The following KCTD14 variants were observed in gnomAD, a reference collection of about 807,000 sequenced individuals.
KCTD14 encodes the protein potassium channel tetramerization domain containing 14.
KCTD14 carries 7 observed loss-of-function variants against 5.9 expected under a neutral mutation model. That is an observed-to-expected ratio of 1.19 (90% confidence interval 0.68 to 2.23). The LOEUF (loss-of-function observed/expected upper bound fraction) is 2.23. KCTD14 is among the 30% of genes most tolerant of loss of function. The probability of loss-of-function intolerance (pLI) is 0.00; values close to 1 mark genes in which losing one functional copy is unlikely to be tolerated. For missense variants in KCTD14, 342 were observed against 332.2 expected (o/e 1.03, Z -0.23); for synonymous variants, 140 against 133.1 (o/e 1.05, Z -0.36).
At position 78,023,140 on chromosome 11, in the gene KCTD14, G is replaced by T; in HGVS notation, c.90+20C>A. On this transcript the variant is annotated intron_variant, in intron 1 of 1. Coordinates refer to ENST00000353172, the MANE Select transcript of KCTD14 (RefSeq NM_023930.4). ...AGGCGGAGGACAGAGGCGCGGGGAC[G>T]CAGCTAGCCTCGCACTTACCGTTGG... The T allele has an allele frequency of 2.0e-6, 3 of 1,482,022 alleles. No homozygotes were observed. Among genetic ancestry groups the T allele is most frequent in the Non-Finnish European group, 2.8e-6 (3 of 1,087,044 alleles). 91.8% of individuals were successfully genotyped at this position (1,482,022 alleles called of 1,614,324 possible). A position where few individuals can be genotyped will look rare whatever the true frequency, so the allele number is the denominator to read the frequency against.
intron 2 of KCTD14, among the ~76,000 whole-genome samples, chr11:78,031,448 G>A (rs1274060180): frequency 2.0e-5 from 3 of 151,060 alleles, no homozygotes; most frequent in African/African-American, 4.9e-5. Flanking sequence ...GTGTGATCTC[G>A]GCTCACTGCA....
upstream of KCTD14, among the ~76,000 whole-genome samples, chr11:78,024,983 A>G (rs1448779886): frequency 1.1e-4 from 16 of 143,692 alleles, no homozygotes; most frequent in Admixed American, 1.1e-3. Context: ...AATGGTATAT[A>G]TACATACACA....
chr11:78,025,092 G>A (rs1403978130), upstream of KCTD14, among the ~76,000 whole-genome samples: 6 of 47,856 alleles, frequency 1.3e-4, no homozygotes, highest in Admixed American at 4.1e-4. Flanking sequence ...ACACGTGTGT[G>A]TGTGTGTGTG....
chr11:78,017,361 T>C, intron 1 of KCTD14, 91 bp from the exon 2 acceptor site: 1 of 1,448,956 alleles, frequency 6.9e-7, no homozygotes, highest in Non-Finnish European at 9.1e-7. Context: ...ATAAAAAACT[T>C]AGGGGAGCCA....
intron 2 of KCTD14, among the ~76,000 whole-genome samples, chr11:78,028,375 C>T (rs534502098): frequency 9.2e-5 from 14 of 152,076 alleles, no homozygotes; most frequent in Admixed American, 6.5e-4. Context: ...GAGGCTGAGG[C>T]GGGTGGATCA....
At chr11:78,038,585 G>T (rs1857888790) in intron 2 of KCTD14, 2 of 1,496,394 alleles carry the variant, frequency 1.3e-6, no homozygotes, top group Non-Finnish European at 1.8e-6. Flanking sequence ...GCCCCAGCTG[G>T]TTACCCCAAG....
intron 2 of KCTD14, among the ~76,000 whole-genome samples, chr11:78,033,845 CAAA>C (rs60386490): frequency 1.5e-4 from 20 of 133,436 alleles, no homozygotes; most frequent in African/African-American, 2.5e-4. Context: ...GACTCCATCT[CAAA>C]AAAAAAAAAA....
At chr11:78,045,071 C>T (rs746070895) in intron 1 of KCTD14, among the ~76,000 whole-genome samples, 2 of 152,142 alleles carry the variant, frequency 1.3e-5, no homozygotes, top group Admixed American at 1.3e-4. Context: ...CATTTTGCCT[C>T]GTAGGTGTGA....
At position 78,017,271 on chromosome 11, in the gene KCTD14, C is replaced by A; in HGVS notation, c.91-1G>T. 1.9e-6 allele frequency: 3 copies of A among 1,581,994 alleles called. No homozygotes were observed. Among genetic ancestry groups the A allele is most frequent in the Non-Finnish European group, 2.6e-6 (3 of 1,158,796 alleles). ...CGTTCAGCTCCACAACAGTAGACAT[C>A]TGGGGGCACAAGAGGCAGAGTAAAC... On this transcript the variant is annotated splice_acceptor_variant, in intron 1 of 1. Coordinates refer to ENST00000353172, the MANE Select transcript of KCTD14 (RefSeq NM_023930.4). LOFTEE classifies it high-confidence loss of function.
At chr11:78,024,754 T>G (rs1857404929), upstream of KCTD14, among the ~76,000 whole-genome samples, 1 of 151,770 alleles carries the variant, frequency 6.6e-6, no homozygotes, top group Admixed American at 6.6e-5. Context: ...GAGACCAGCC[T>G]GACTAACATG....
intron 2 of KCTD14, among the ~76,000 whole-genome samples, chr11:78,032,149 G>A (rs956134278): frequency 3.3e-5 from 5 of 152,322 alleles, no homozygotes; most frequent in Admixed American, 2.6e-4. Flanking sequence ...CCAGGCACAG[G>A]GAGGCACTGG....
upstream of KCTD14, among the ~76,000 whole-genome samples, chr11:78,026,857 G>C (rs1274254931): frequency 6.6e-6 from 1 of 152,088 alleles, no homozygotes; most frequent in Non-Finnish European, 1.5e-5. Flanking sequence ...CCAGCACTTT[G>C]AGAGGCCAAG....
rs201982206 is a variant in KCTD14, at chr11:78,039,068, C to A, written c.-95-310G>T. ...GGAGTAGAGTCTGGACTTTAGATTA[C>A]AAAAAAAAAAAAAAAAACACAAAAA... On this transcript the variant is annotated intron_variant, in intron 1 of 2. Coordinates refer to the KCTD14 transcript ENST00000533144. 0.012 allele frequency among the ~76,000 whole-genome samples: 1,321 copies of A among 113,820 alleles called. No individual in the cohort carries two copies. The highest frequency in any genetic ancestry group is 0.012 in the African/African-American group (332 of 27,094). 74.7% of individuals were successfully genotyped at this position (113,820 alleles called of 152,430 possible).
chr11:78,022,830 A>G (rs1422113648), intron 1 of KCTD14: 1 of 254,742 alleles, frequency 3.9e-6, no homozygotes. Flanking sequence ...GCAGAGGAGG[A>G]GTCGTGGGCT....
chr11:78,038,119 C>T (rs1254090893), intron 2 of KCTD14, among the ~76,000 whole-genome samples: 1 of 152,070 alleles, frequency 6.6e-6, no homozygotes, highest in Non-Finnish European at 1.5e-5. Flanking sequence ...TATCCAGAGG[C>T]CCTTCCCATG....
At chr11:78,027,165 T>G (rs547361079), upstream of KCTD14, among the ~76,000 whole-genome samples, 1 of 152,194 alleles carries the variant, frequency 6.6e-6, no homozygotes, top group South Asian at 2.1e-4. Context: ...ATGTATGACG[T>G]ACACTGGTTA....
chr11:78,041,467 T>G (rs1214247054), intron 1 of KCTD14, among the ~76,000 whole-genome samples: 1 of 152,146 alleles, frequency 6.6e-6, no homozygotes, highest in East Asian at 1.9e-4. Context: ...ACTAAAATGC[T>G]AATTAGGCAA....
Position 78,028,706 on chromosome 11 carries a change from C to T in KCTD14, c.-1+9958G>A, listed in dbSNP as rs376365081. 3.9e-5 allele frequency among the ~76,000 whole-genome samples: 6 copies of T among 151,926 alleles called. No individual in the cohort carries two copies. In the South Asian group the frequency reaches 8.3e-4, roughly 21 times the overall value. On this transcript the variant is annotated intron_variant, in intron 2 of 2. Transcript: ENST00000533144. ...CTGTGATCGCAGCACTTTGAAAGAC[C>T]GAGATCAGCAGATCAGTTGAGCCCA...
intron 2 of KCTD14, among the ~76,000 whole-genome samples, chr11:78,034,214 C>G (rs1857721376): frequency 6.6e-6 from 1 of 152,012 alleles, no homozygotes. Flanking sequence ...CCTCAACCTC[C>G]TGGACTCGAG....
Sources: allele counts gnomAD v4.1 joint callset (sites outside exome capture counted in the v4.1 genomes callset), GRCh38; gene constraint gnomAD v4.1.1; transcripts MANE v1.5; gene names NCBI Gene and HGNC (gene_info 2026-07-23, HGNC 2026-07-21).